USP44: variants seen among roughly 807,000 people sequenced by gnomAD.
USP44 encodes ubiquitin specific peptidase 44.
USP44 carries 61 observed loss-of-function variants against 69.0 expected under a neutral mutation model. That is an observed-to-expected ratio of 0.88 (90% CI 0.72 to 1.09). The LOEUF is 1.09. USP44 is among the 50% of genes least tolerant of loss of function. The pLI is 0.00. For missense variants in USP44, 753 were observed against 849.9 expected, an observed-to-expected ratio of 0.89 and a Z score of 1.42; for synonymous variants, 297 against 295.4, an observed-to-expected ratio of 1.01 and a Z score of -0.06.
chr12:95,549,118 C>G (rs962473082), intron 1 of USP44, among the ~76,000 whole-genome samples: 1 of 152,248 alleles, frequency 6.6e-6, no homozygotes, highest in Non-Finnish European at 1.5e-5. Context: ...GCCGCAGAAT[C>G]ATCCACGGAC....
At chr12:95,536,848 A>G (rs1318959300) in intron 1 of USP44, among the ~76,000 whole-genome samples, 1 of 152,168 alleles carries the variant, frequency 6.6e-6, no homozygotes, top group East Asian at 1.9e-4. Context: ...AGCAAGGCCA[A>G]GGGCATGTGG....
At chr12:95,524,522 G>T (rs1445293103) in intron 4 of USP44, 158 bp downstream of exon 4, 6 of 530,860 alleles carry the variant, frequency 1.1e-5, no homozygotes, top group Non-Finnish European at 1.6e-5. Context: ...ATAAGCAAAT[G>T]TAAGTCATTT....
intron 1 of USP44, among the ~76,000 whole-genome samples, chr12:95,539,507 T>G (rs888140372): frequency 6.6e-6 from 1 of 152,230 alleles, no homozygotes; most frequent in Admixed American, 6.5e-5. Context: ...ATTATAGGCA[T>G]GAGTCACCGC....
intron 1 of USP44, among the ~76,000 whole-genome samples, chr12:95,539,298 T>C (rs933998614): frequency 1.3e-5 from 2 of 151,322 alleles, no homozygotes; most frequent in Admixed American, 6.6e-5. Flanking sequence ...CGATCTAGGC[T>C]CACTGCAAGC....
Position 95,532,940 on chromosome 12 carries a change from T to C in USP44, c.1317A>G (p.Leu439=), listed in dbSNP as rs1352778098. The C allele has an allele frequency of 3.1e-6, 5 of 1,614,232 alleles. No homozygotes were observed. The highest frequency in any genetic ancestry group is 4.2e-6 in the Non-Finnish European group (5 of 1,180,038). ...CELLDKIQRE[L]ETTGTSLPAL... The stretch of plus-strand genomic sequence containing the variant: ...CTGGTAAACTGGTACCAGTTGTCTC[T>C]AATTCACGTTGTATTTTATCTAAAA... Residue 439 remains leucine (L), a synonymous_variant, in exon 2 of 6, where the codon TTA becomes TTG. Coordinates refer to ENST00000258499, the MANE Select transcript of USP44 (RefSeq NM_032147.5).
intron 1 of USP44, among the ~76,000 whole-genome samples, chr12:95,543,419 A>AG (rs1565839585): frequency 1.3e-5 from 2 of 150,494 alleles, no homozygotes; most frequent in Non-Finnish European, 3.0e-5. Context: ...AAAAAAAAAA[A>AG]AAAAAAAAAG....
At chr12:95,523,274 C>T (rs2076726232) in intron 4 of USP44, among the ~76,000 whole-genome samples, 1 of 152,186 alleles carries the variant, frequency 6.6e-6, no homozygotes, top group Non-Finnish European at 1.5e-5. Flanking sequence ...ATTACATTTA[C>T]AGCCAACAGG....
At chr12:95,538,543 A>AG (rs10686641) in intron 1 of USP44, among the ~76,000 whole-genome samples, 92,442 of 150,862 alleles carry the variant, frequency 0.61, 29,345 homozygotes, top group African/African-American at 0.76. Flanking sequence ...GCATTTTAAA[A>AG]GGGGGGGGTC....
At chr12:95,518,392 T>TA (rs1565797149) in intron 5 of USP44, 39 bp from the exon 6 acceptor site, 1 of 1,595,650 alleles carries the variant, frequency 6.3e-7, no homozygotes, top group Non-Finnish European at 8.6e-7. Context: ...GAAGGGACTT[T>TA]AGAAAATTCT....
rs957701799 is a variant in USP44, at chr12:95,517,024, G to T, written c.*1130C>A. ...ACAGGACTTTAAAGAAACCCAGTGA[G>T]ATTATCAGAAGAAGAAAAAGAGTGA... On this transcript the variant is annotated 3_prime_UTR_variant, in exon 6 of 6. Coordinates refer to ENST00000258499, the MANE Select transcript of USP44 (RefSeq NM_032147.5). The T allele has an allele frequency of 6.7e-5, 10 of 150,108 alleles. No homozygotes were observed. The East Asian group carries it at 1.2e-3, about 18-fold the overall frequency. 9.3% of individuals were successfully genotyped at this position (150,108 alleles called of 1,614,324 possible).
chr12:95,540,166 T>C (rs2077341914), intron 1 of USP44, among the ~76,000 whole-genome samples: 1 of 152,186 alleles, frequency 6.6e-6, no homozygotes. Context: ...ACTTTACCCT[T>C]AGCCCTAACC....
Position 95,533,619 on chromosome 12 carries a change from CTCTT to C in USP44, c.634_637del (p.Lys212ValfsTer12). ...CTGAGCGAGCCCTTGTAAACGTAAA[CTCTT>C]TCTTGGAGGCATACTTTCCAATTCT... On this transcript the variant is annotated frameshift_variant, in exon 2 of 6. Transcript: ENST00000258499. LOFTEE classifies it high-confidence loss of function. The C allele has an allele frequency of 6.2e-7, 1 of 1,613,828 alleles. No homozygotes were observed. Among genetic ancestry groups the C allele is most frequent in the East Asian group, 2.2e-5 (1 of 44,882 alleles).
intron 1 of USP44, among the ~76,000 whole-genome samples, chr12:95,537,189 G>A (rs991051983): frequency 1.3e-5 from 2 of 152,174 alleles, no homozygotes; most frequent in Non-Finnish European, 1.5e-5. Context: ...CATTAGTTGA[G>A]AGAATTTACT....
chr12:95,537,871 CAGAT>C (rs1318403040), intron 1 of USP44, among the ~76,000 whole-genome samples: 9 of 152,130 alleles, frequency 5.9e-5, no homozygotes, highest in African/African-American at 2.2e-4. Flanking sequence ...AAAAACAGCT[CAGAT>C]AGTGTTAAGT....
Position 95,533,318 on chromosome 12 carries a change from A to G in USP44, c.939T>C (p.Thr313=), listed in dbSNP as rs1675495639. ...TACAAGATCTTGTCTTCTCGCTAGC[A>G]GTCATAGCCAGCCATTGGTTCAGAT... The part of the protein sequence containing the change: ...KLDLNQWLAM[T]ASEKTRSCKH... The change falls in exon 2 of 6, where the codon ACT becomes ACC. Residue 313 remains threonine, a synonymous_variant. Coordinates refer to ENST00000258499, the MANE Select transcript of USP44 (RefSeq NM_032147.5). 5.0e-6 allele frequency: 8 copies of G among 1,614,130 alleles called. No homozygotes were observed. Among genetic ancestry groups the G allele is most frequent in the Non-Finnish European group, 5.9e-6 (7 of 1,180,038 alleles).
chr12:95,517,186 T>G lies in USP44; in HGVS notation c.*968A>C, dbSNP rs2076500024. 6.6e-6 allele frequency: 1 copy of G among 151,688 alleles called. No homozygotes were observed. The highest frequency in any genetic ancestry group is 2.4e-5 in the African/African-American group (1 of 41,300). The allele number at this position is 151,688 out of a possible 1,614,324, so 9.4% of individuals were successfully genotyped here. ...AATCCTAGCAAGAGTAAATCAAGCT[T>G]TAGTTATTTAGAATGAGATGCTAGA... On this transcript the variant is annotated 3_prime_UTR_variant, in exon 6 of 6. Transcript: ENST00000258499.
At chr12:95,528,739 C>G in intron 3 of USP44, 68 bp downstream of exon 3, 3 of 1,450,604 alleles carry the variant, frequency 2.1e-6, no homozygotes, top group Non-Finnish European at 2.8e-6. Flanking sequence ...TTTCTTTCAG[C>G]TTCCTCTCAT....
intron 1 of USP44, chr12:95,535,501 TAA>T (rs2077170329): frequency 6.6e-6 from 1 of 151,870 alleles, no homozygotes. Context: ...TACAAGGAAA[TAA>T]AGAGAAAAAA....
At position 95,520,007 on chromosome 12, in the gene USP44, C is replaced by CAAAAAAAAAAAAAAAAA. The variant is rs56348745; in HGVS notation, c.1939+973_1939+989dup. Among the ~76,000 whole-genome samples the CAAAAAAAAAAAAAAAAA allele has an allele frequency of 3.8e-4, 13 of 34,526 alleles. 1 individual carries two copies. The highest frequency in any genetic ancestry group is 1.1e-3 in the African/African-American group (10 of 9,216). The allele number at this position is 34,526 out of a possible 152,430, so 22.7% of individuals were successfully genotyped here. On this transcript the variant is annotated intron_variant, in intron 5 of 5. Transcript: ENST00000258499. ...CAGGGGAAAGAGTGAGACTCTGTCT[C>CAAAAAAAAAAAAAAAAA]AAAAAAAAAAAAAAAAAAAAAAAAA...
Sources: gnomAD v4.1 joint callset for allele counts (sites outside exome capture counted in the v4.1 genomes callset) on GRCh38, gnomAD v4.1.1 for gene constraint, MANE v1.5 for transcripts, NCBI Gene and HGNC (gene_info 2026-07-23, HGNC 2026-07-21) for gene names.